Variants in TANC1 observed in about 807,000 individuals in gnomAD.
TANC1 encodes the protein tetratricopeptide repeat, ankyrin repeat and coiled-coil containing 1, also known as protein TANC1.
TANC1 carries 77 observed loss-of-function variants against 149.7 expected under a neutral mutation model. The ratio of observed to expected loss-of-function variants is 0.51; its 90% CI spans 0.43 to 0.62. The LOEUF (loss-of-function observed/expected upper bound fraction) is 0.62. Among genes scored for constraint, TANC1 ranks in the 20% least tolerant of loss-of-function variants. The probability of loss-of-function intolerance (pLI) is 0.00; values close to 1 mark genes in which losing one functional copy is unlikely to be tolerated. For synonymous variants in TANC1, 854 were observed against 925.0 expected, an observed-to-expected ratio of 0.92 and a Z score of 1.39; for missense variants, 1,985 against 2,321.8, an observed-to-expected ratio of 0.85 and a Z score of 2.98.
intron 2 of TANC1, among the ~76,000 whole-genome samples, chr2:159,057,910 T>C (rs962138070): frequency 2.0e-5 from 3 of 152,242 alleles, no homozygotes; most frequent in African/African-American, 7.2e-5. Flanking sequence ...CTGGATGATA[T>C]ACAGTACTAG....
chr2:159,172,386 G>A, intron 11 of TANC1, 114 bp downstream of exon 11: 2 of 937,958 alleles, frequency 2.1e-6, no homozygotes, highest in Non-Finnish European at 3.2e-6. Flanking sequence ...TAATGATAAA[G>A]TATAGCTTTT....
intron 16 of TANC1, among the ~76,000 whole-genome samples, chr2:159,187,562 T>C (rs1195483300): frequency 6.6e-6 from 1 of 152,032 alleles, no homozygotes; most frequent in Non-Finnish European, 1.5e-5. Context: ...GATGTTCCAC[T>C]CAGCTTTTTA....
intron 2 of TANC1, among the ~76,000 whole-genome samples, chr2:159,028,673 A>G (rs957979320): frequency 2.6e-5 from 4 of 152,214 alleles, no homozygotes; most frequent in African/African-American, 4.8e-5. Context: ...GAAACTTTAT[A>G]TTCTTTCAAC....
intron 2 of TANC1, among the ~76,000 whole-genome samples, chr2:159,004,914 T>C (rs562003698): frequency 3.3e-5 from 5 of 152,264 alleles, no homozygotes; most frequent in East Asian, 1.9e-4. Flanking sequence ...CACATATTTA[T>C]TGACAGCAAG....
intron 3 of TANC1, among the ~76,000 whole-genome samples, chr2:159,094,205 C>A (rs937673854): frequency 1.3e-5 from 2 of 152,194 alleles, no homozygotes; most frequent in Admixed American, 6.5e-5. Context: ...AGCCATTTGA[C>A]TAGCTGGGTC....
Position 159,014,037 on chromosome 2 carries a change from C to T in TANC1, c.-16+12848C>T, listed in dbSNP as rs1376550891. ...CCAGTTAAATTGGATTAGGGCCCAC[C>T]CTAATGACTTCATTTTAACTTGATT... On this transcript the variant is annotated intron_variant, in intron 2 of 26. Transcript: ENST00000263635. Among the ~76,000 whole-genome samples the T allele has an allele frequency of 1.2e-4, 19 of 152,154 alleles. No homozygotes were observed. The East Asian group carries it at 3.5e-3, about 28-fold the overall frequency.
chr2:159,224,174 G>T (rs937351809), intron 22 of TANC1, 58 bp from the exon 23 acceptor site: 3 of 1,605,104 alleles, frequency 1.9e-6, no homozygotes, highest in Non-Finnish European at 1.7e-6. Flanking sequence ...CCCTAAATCC[G>T]TGTGCGCCCC....
intron 2 of TANC1, among the ~76,000 whole-genome samples, chr2:159,018,856 A>T (rs1300841529): frequency 2.6e-5 from 4 of 152,256 alleles, no homozygotes; most frequent in Non-Finnish European, 5.9e-5. Flanking sequence ...TCAGAATATT[A>T]AAACTTGAGG....
At chr2:159,141,398 G>A (rs34238010) in intron 5 of TANC1, among the ~76,000 whole-genome samples, 36,682 of 152,202 alleles carry the variant, frequency 0.24, 5,432 homozygotes, top group Non-Finnish European at 0.35. Context: ...AATTAAGTGA[G>A]AGGATAAAGT....
chr2:159,179,202 C>G (rs1321365568), intron 14 of TANC1, 39 bp downstream of exon 14: 3 of 1,573,234 alleles, frequency 1.9e-6, no homozygotes, highest in Non-Finnish European at 2.6e-6. Context: ...TGCAGGGAAT[C>G]TCGTGTGCAG....
chr2:159,008,304 G>A (rs1014796003), intron 2 of TANC1, among the ~76,000 whole-genome samples: 2 of 152,198 alleles, frequency 1.3e-5, no homozygotes, highest in African/African-American at 2.4e-5. Flanking sequence ...ATAAAATCAA[G>A]TATCACAGCT....
Position 159,196,807 on chromosome 2 carries a change from G to A in TANC1, c.3165+14G>A. ...GGCCACAGCTCGGTGAGTGGGGCAGGGGTTTCCCTCCTGGGAAACAAGAAG... is the reference window on the plus strand; with the variant it reads ...GGCCACAGCTCGGTGAGTGGGGCAGAGGTTTCCCTCCTGGGAAACAAGAAG... On this transcript the variant is annotated intron_variant, in intron 18 of 26. Transcript: ENST00000263635. 1 of 1,597,330 alleles carries A rather than the reference G, an allele frequency of 6.3e-7. No individual in the cohort carries two copies. The highest frequency in any genetic ancestry group is 8.5e-7 in the Non-Finnish European group (1 of 1,174,734).
chr2:159,032,097 G>A (rs1191981607), intron 2 of TANC1, among the ~76,000 whole-genome samples: 1 of 152,194 alleles, frequency 6.6e-6, no homozygotes, highest in East Asian at 1.9e-4. Context: ...AGGCTTCATT[G>A]GTGACTTAGG....
At chr2:159,192,136 G>A (rs192353879) in intron 16 of TANC1, among the ~76,000 whole-genome samples, 2 of 152,256 alleles carry the variant, frequency 1.3e-5, no homozygotes, top group Admixed American at 1.3e-4. Context: ...TACTAAGTGG[G>A]GGATATAGTA....
At chr2:159,021,332 G>A (rs2038817947) in intron 2 of TANC1, among the ~76,000 whole-genome samples, 1 of 152,134 alleles carries the variant, frequency 6.6e-6, no homozygotes, top group African/African-American at 2.4e-5. Flanking sequence ...AGTTTCTAGT[G>A]AGGAGGGCAG....
intron 25 of TANC1, chr2:159,228,177 A>G (rs528516656): frequency 1.8e-6 from 1 of 562,100 alleles, no homozygotes; most frequent in African/African-American, 1.9e-5. Flanking sequence ...GAAGGAATGC[A>G]CTTGGGTTTC....
intron 3 of TANC1, 57 bp downstream of exon 3, chr2:159,066,028 C>A: frequency 1.5e-6 from 2 of 1,351,250 alleles, no homozygotes; most frequent in Non-Finnish European, 1.1e-6. Flanking sequence ...AGCTGCTCCT[C>A]ACCCCAGGCC....
intron 19 of TANC1, among the ~76,000 whole-genome samples, chr2:159,216,056 A>C (rs2059326183): frequency 6.6e-6 from 1 of 152,024 alleles, no homozygotes; most frequent in South Asian, 2.1e-4. Flanking sequence ...TCTTCAACTT[A>C]CTCGTAGCGT....
chr2:159,040,164 G>T (rs184589630), intron 2 of TANC1, among the ~76,000 whole-genome samples: 1 of 151,936 alleles, frequency 6.6e-6, no homozygotes, highest in African/African-American at 2.4e-5. Context: ...TCAGAGACTA[G>T]GATTGCAACC....
Sources: allele counts gnomAD v4.1 joint callset (sites outside exome capture counted in the v4.1 genomes callset), GRCh38; gene constraint gnomAD v4.1.1; transcripts MANE v1.5; gene names NCBI Gene and HGNC (gene_info 2026-07-23, HGNC 2026-07-21).